NRG1: variants seen among roughly 807,000 people sequenced by gnomAD.
NRG1 encodes the protein neuregulin 1.
NRG1 carries 18 observed loss-of-function variants against 63.8 expected under a neutral mutation model. The ratio of observed to expected loss-of-function variants is 0.28; its 90% CI spans 0.19 to 0.42. The LOEUF (loss-of-function observed/expected upper bound fraction) is 0.42. Among genes scored for constraint, NRG1 ranks in the 10% least tolerant of loss-of-function variants. The pLI is 1.00. For synonymous variants in NRG1, 302 were observed against 301.3 expected (o/e 1.00, Z -0.02); for missense variants, 762 against 814.7 (o/e 0.94, Z 0.79).
At chr8:32,164,470 C>G (rs1012155994) in intron 1 of NRG1, among the ~76,000 whole-genome samples, 9 of 152,140 alleles carry the variant, frequency 5.9e-5, no homozygotes, top group African/African-American at 2.2e-4. Flanking sequence ...TACCTTAGGC[C>G]AGTGTTCCCA....
In NRG1 at chr8:31,843,377, A is replaced by G. The variant is rs118122871; in HGVS notation, c.37+203946A>G. ...GTGCACAGAAATATGCCATGTCACT[A>G]AACGTCATGTGGCTTAACATTTCTC... is the stretch of plus-strand genomic sequence containing the variant. On this transcript the variant is annotated intron_variant, in intron 1 of 10. Transcript: ENST00000519301. Among the ~76,000 whole-genome samples the G allele has an allele frequency of 4.5e-3, 690 of 152,300 alleles. 3 individuals carry two copies. The highest frequency in any genetic ancestry group is 7.8e-3 in the Non-Finnish European group (533 of 68,030).
chr8:31,700,953 G>T (rs878876706), intron 1 of NRG1, among the ~76,000 whole-genome samples: 2 of 152,248 alleles, frequency 1.3e-5, no homozygotes, highest in Admixed American at 1.3e-4. Flanking sequence ...TGCAGTTTGT[G>T]GTTGGACTTG....
chr8:32,340,103 A>G (rs187721114), intron 1 of NRG1, among the ~76,000 whole-genome samples: 1 of 152,304 alleles, frequency 6.6e-6, no homozygotes, highest in Admixed American at 6.5e-5. Flanking sequence ...GAAATGAAAA[A>G]ATGTGCCACT....
At chr8:32,497,950 A>G (rs1827408773) in intron 1 of NRG1, among the ~76,000 whole-genome samples, 1 of 152,080 alleles carries the variant, frequency 6.6e-6, no homozygotes, top group Non-Finnish European at 1.5e-5. Context: ...CAGCCTACCA[A>G]GTAGCTGGGA....
intron 1 of NRG1, among the ~76,000 whole-genome samples, chr8:32,310,498 C>T (rs991208367): frequency 6.6e-6 from 1 of 152,166 alleles, no homozygotes; most frequent in Non-Finnish European, 1.5e-5. Context: ...GCCATAGACT[C>T]AGTGTCTTTA....
At chr8:32,016,718 TA>T (rs1815604026) in intron 1 of NRG1, among the ~76,000 whole-genome samples, 1 of 152,170 alleles carries the variant, frequency 6.6e-6, no homozygotes, top group Admixed American at 6.5e-5. Flanking sequence ...ATTCCCAATT[TA>T]AATGTTGGAT....
chr8:31,817,760 C>G (rs368773747), intron 1 of NRG1, among the ~76,000 whole-genome samples: 1 of 152,066 alleles, frequency 6.6e-6, no homozygotes, highest in African/African-American at 2.4e-5. Flanking sequence ...TTTTAACTTG[C>G]GTTATATGGA....
intron 1 of NRG1, among the ~76,000 whole-genome samples, chr8:32,222,343 C>G (rs550700596): frequency 6.6e-6 from 1 of 152,126 alleles, no homozygotes; most frequent in African/African-American, 2.4e-5. Flanking sequence ...CCTTCTCTGC[C>G]TCTTATGAAT....
intron 1 of NRG1, among the ~76,000 whole-genome samples, chr8:32,293,407 G>C (rs1266665457): frequency 1.3e-5 from 2 of 152,172 alleles, no homozygotes; most frequent in Non-Finnish European, 2.9e-5. Context: ...GCAAGGAACA[G>C]ATTTTTCCCT....
intron 1 of NRG1, among the ~76,000 whole-genome samples, chr8:32,466,184 A>C (rs1243298229): frequency 2.6e-5 from 4 of 152,122 alleles, no homozygotes; most frequent in South Asian, 2.1e-4. Flanking sequence ...TAAATTAGCC[A>C]GGCATAGTGG....
chr8:32,062,484 G>A (rs1359840104), intron 1 of NRG1, among the ~76,000 whole-genome samples: 3 of 152,046 alleles, frequency 2.0e-5, no homozygotes, highest in Non-Finnish European at 4.4e-5. Flanking sequence ...CTTGCAATCT[G>A]ACAGCCTCAT....
At chr8:32,771,185 A>G (rs1272255013), downstream of NRG1, among the ~76,000 whole-genome samples, 1 of 151,162 alleles carries the variant, frequency 6.6e-6, no homozygotes, top group Non-Finnish European at 1.5e-5. Flanking sequence ...ATTTTAGCTC[A>G]CTGCAACCTG....
chr8:32,212,231 G>T (rs758974934), intron 1 of NRG1, among the ~76,000 whole-genome samples: 6 of 152,062 alleles, frequency 3.9e-5, no homozygotes, highest in Non-Finnish European at 8.8e-5. Flanking sequence ...GAAATGATAA[G>T]ACTTAGCATA....
Position 31,796,414 on chromosome 8 carries a change from C to CTTTT in NRG1, c.37+157016_37+157019dup, listed in dbSNP as rs1158508289. Among the ~76,000 whole-genome samples the CTTTT allele has an allele frequency of 4.4e-3, 189 of 43,378 alleles. 52 individuals carry two copies. The highest frequency in any genetic ancestry group is 0.026 in the Middle Eastern group (1 of 38). 28.5% of individuals were successfully genotyped at this position (43,378 alleles called of 152,430 possible). ...ATAACCAAATAAGATGGCGTATAAT[C>CTTTT]TTTTTTTTTTTTTTTTTTTTTTTTT... On this transcript the variant is annotated intron_variant, in intron 1 of 10. Transcript: ENST00000519301.
chr8:32,510,971 T>C (rs1264431513), intron 1 of NRG1, among the ~76,000 whole-genome samples: 3 of 144,084 alleles, frequency 2.1e-5, no homozygotes, highest in Non-Finnish European at 3.1e-5. Flanking sequence ...TTTTTTTTTT[T>C]CTGAAGCAGG....
intron 1 of NRG1, among the ~76,000 whole-genome samples, chr8:32,405,481 G>A (rs1406280643): frequency 6.6e-6 from 1 of 152,172 alleles, no homozygotes; most frequent in Non-Finnish European, 1.5e-5. Context: ...ATACATAGAT[G>A]AGTAATTTGG....
At chr8:32,555,763 G>A (rs574873454) in intron 1 of NRG1, among the ~76,000 whole-genome samples, 1 of 152,342 alleles carries the variant, frequency 6.6e-6, no homozygotes, top group East Asian at 1.9e-4. Context: ...GAGCCACCGC[G>A]CCCGGCGGGG....
intron 1 of NRG1, among the ~76,000 whole-genome samples, chr8:31,867,091 C>T (rs58468054): frequency 1.4e-4 from 22 of 152,240 alleles, no homozygotes; most frequent in Middle Eastern, 3.4e-3. Flanking sequence ...CCTTTTACCT[C>T]TTCTTTTTTT....
chr8:32,098,598 G>A (rs1319691674), intron 1 of NRG1: 3 of 152,120 alleles, frequency 2.0e-5, no homozygotes, highest in African/African-American at 7.2e-5. Context: ...TAGTGCCAGG[G>A]ACCACTTTTA....
Sources: allele counts gnomAD v4.1 joint callset (sites outside exome capture counted in the v4.1 genomes callset), GRCh38; gene constraint gnomAD v4.1.1; transcripts MANE v1.5; gene names NCBI Gene and HGNC (gene_info 2026-07-23, HGNC 2026-07-21).